The following FAU variants were observed in gnomAD, a reference collection of about 807,000 sequenced individuals.
The protein encoded by FAU is FAU ubiquitin like and ribosomal protein S30 fusion.
For synonymous variants in FAU, 70 were observed against 69.9 expected, an observed-to-expected ratio of 1.00 and a Z score of -0.01; for missense variants, 125 against 173.9, an observed-to-expected ratio of 0.72 and a Z score of 1.58.
At position 65,121,793 on chromosome 11, in the gene FAU, G is replaced by A; in HGVS notation, c.21C>T (p.Ala7=). The change falls in exon 2 of 5, where the codon GCC becomes GCT. Residue 7 remains alanine (A), a synonymous_variant. Coordinates refer to ENST00000529639, the MANE Select transcript of FAU (RefSeq NM_001997.5). The part of the protein sequence containing the change: MQLFVR[A]QELHTFEVTG... ...TCACCTCGAAGGTGTGTAGCTCCTG[G>A]GCGCGGACAAAGAGCTGCATATTGG... 1.9e-6 allele frequency: 3 copies of A among 1,614,098 alleles called. No homozygotes were observed. Among genetic ancestry groups the A allele is most frequent in the Non-Finnish European group, 2.5e-6 (3 of 1,180,044 alleles).
chr11:65,121,134 G>T, intron 3 of FAU, 98 bp from the exon 4 acceptor site: 2 of 1,227,794 alleles, frequency 1.6e-6, no homozygotes, highest in Non-Finnish European at 1.2e-6. Flanking sequence ...GAGAAGCTGC[G>T]CCCAATAGGT....
intron 1 of FAU, 67 bp downstream of exon 1, chr11:65,122,023 C>A: frequency 6.4e-6 from 4 of 620,172 alleles, no homozygotes; most frequent in Non-Finnish European, 1.1e-5. Context: ...CGGTTCCCCC[C>A]GCGCCTTCTG....
intron 1 of FAU, 124 bp from the exon 2 acceptor site, chr11:65,121,945 G>A (rs1948053105): frequency 2.2e-6 from 2 of 922,506 alleles, no homozygotes; most frequent in South Asian, 1.5e-5. Flanking sequence ...GCTCACGTGG[G>A]GAAGGCCAGG....
At chr11:65,121,917 G>A in intron 1 of FAU, 96 bp from the exon 2 acceptor site, 2 of 1,279,400 alleles carry the variant, frequency 1.6e-6, no homozygotes, top group Non-Finnish European at 2.2e-6. Flanking sequence ...CGATCGCGAC[G>A]GGATGGTGGT....
intron 4 of FAU, 50 bp from the exon 5 acceptor site, chr11:65,120,856 G>A (rs1349373798): frequency 6.2e-7 from 1 of 1,611,136 alleles, no homozygotes; most frequent in Admixed American, 1.7e-5. Flanking sequence ...TCCACACCTA[G>A]CATCCCTTCC....
chr11:65,121,078 G>C (rs1948042587), intron 3 of FAU, 42 bp from the exon 4 acceptor site: 1 of 1,604,954 alleles, frequency 6.2e-7, no homozygotes, highest in African/African-American at 1.3e-5. Flanking sequence ...AGAGCAAGAA[G>C]GTGCCACCCA....
rs1029283496 is a variant in FAU at position 65,122,119 on chromosome 11, T to C, written c.-38A>G. The C allele has an allele frequency of 1.7e-6, 1 of 599,018 alleles. No homozygotes were observed. The allele number at this position is 599,018 out of a possible 1,614,324, so 37.1% of individuals were successfully genotyped here. ...ACGGCGGTCCCAGCTACCGCGAAGATGGAGTCGAGAAAGAGGAAGAAGCGA... is the reference window on the plus strand; with the variant it reads ...ACGGCGGTCCCAGCTACCGCGAAGACGGAGTCGAGAAAGAGGAAGAAGCGA... On this transcript the variant is annotated 5_prime_UTR_variant, in exon 1 of 5. Coordinates refer to ENST00000529639, the MANE Select transcript of FAU (RefSeq NM_001997.5).
chr11:65,121,244 T>C (rs1438606685), intron 3 of FAU: 2 of 723,714 alleles, frequency 2.8e-6, no homozygotes, highest in Middle Eastern at 3.9e-4. Flanking sequence ...GGCCCTGGTC[T>C]GACCTAATTT....
rs566668553 is a variant in FAU, at chr11:65,121,685, G to C, written c.76-41C>G. On this transcript the variant is annotated intron_variant, in intron 2 of 4. Coordinates refer to ENST00000529639, the MANE Select transcript of FAU (RefSeq NM_001997.5). ...AGGCTCGTAAGCGTTCCCTCGGGCC[G>C]CGAGAGTGAAGAGCACAAGAAAATG... is the stretch of plus-strand genomic sequence containing the variant. 5.0e-6 allele frequency: 8 copies of C among 1,613,730 alleles called. No homozygotes were observed. The South Asian group carries it at 8.8e-5, about 18-fold the overall frequency.
intron 3 of FAU, 63 bp downstream of exon 3, chr11:65,121,437 C>G (rs1948046083): frequency 1.3e-6 from 2 of 1,571,360 alleles, no homozygotes; most frequent in Non-Finnish European, 1.7e-6. Context: ...GCTGTCAGGA[C>G]TATGCACCCC....
chr11:65,121,981 T>A (rs1202688500), intron 1 of FAU, 109 bp downstream of exon 1: 1 of 704,540 alleles, frequency 1.4e-6, no homozygotes, highest in Non-Finnish European at 2.4e-6. Flanking sequence ...GGATAGGGAC[T>A]GGAGCAGGGC....
At chr11:65,120,827 C>A (rs749113265) in intron 4 of FAU, 21 bp from the exon 5 acceptor site, 2 of 1,613,866 alleles carry the variant, frequency 1.2e-6, no homozygotes, top group South Asian at 1.1e-5. Flanking sequence ...GAAGGTTAAT[C>A]AGGCCCTGGT....
chr11:65,121,794 G>C lies in FAU; in HGVS notation c.20C>G (p.Ala7Gly), dbSNP rs555378806. MQLFVR[A>G]QELHTFEVTG... Reference sequence around the variant, plus strand: ...CACCTCGAAGGTGTGTAGCTCCTGGGCGCGGACAAAGAGCTGCATATTGGC... The same window carrying C: ...CACCTCGAAGGTGTGTAGCTCCTGGCCGCGGACAAAGAGCTGCATATTGGC... Residue 7 changes from alanine (A) to glycine (G), a missense_variant, in exon 2 of 5, where the codon GCC becomes GGC. Coordinates refer to ENST00000529639, the MANE Select transcript of FAU (RefSeq NM_001997.5). 98 of 1,614,078 alleles carry C rather than the reference G, an allele frequency of 6.1e-5. No individual in the cohort carries two copies. The South Asian group carries it at 8.0e-4, about 13-fold the overall frequency.
At chr11:65,121,168 T>C (rs1948043431) in intron 3 of FAU, 132 bp from the exon 4 acceptor site, 1 of 967,256 alleles carries the variant, frequency 1.0e-6, no homozygotes, top group Middle Eastern at 2.4e-4. Context: ...TTGCAGATAT[T>C]TGACCTTGAA....
chr11:65,120,819 A>C lies in FAU; in HGVS notation c.277-13T>G, dbSNP rs779709224. ...CCTGTTTGGCCACCTGGAGAAGGGA[A>C]GGTTAATCAGGCCCTGGTTCCTGTC... On this transcript the variant is annotated splice_polypyrimidine_tract_variant and intron_variant, in intron 4 of 4. Transcript: ENST00000529639. 23 of 1,613,824 alleles carry C rather than the reference A, an allele frequency of 1.4e-5. No homozygotes were observed. The highest frequency in any genetic ancestry group is 2.7e-5 in the African/African-American group (2 of 74,914).
chr11:65,121,444 C>T (rs770116193), intron 3 of FAU, 56 bp downstream of exon 3: 4 of 1,586,678 alleles, frequency 2.5e-6, no homozygotes, highest in Non-Finnish European at 3.4e-6. Context: ...GGACTATGCA[C>T]CCCACACTCA....
At chr11:65,121,176 G>A (rs1948043494) in intron 3 of FAU, 140 bp from the exon 4 acceptor site, 1 of 924,976 alleles carries the variant, frequency 1.1e-6, no homozygotes, top group Non-Finnish European at 1.7e-6. Context: ...ATTTGACCTT[G>A]AAATCTTAAG....
intron 3 of FAU, 134 bp downstream of exon 3, chr11:65,121,366 G>T (rs772243710): frequency 2.3e-5 from 28 of 1,229,638 alleles, no homozygotes; most frequent in Admixed American, 7.3e-5. Context: ...ATGTAAACAG[G>T]AAGAATCACT....
chr11:65,121,074 A>G, intron 3 of FAU, 38 bp from the exon 4 acceptor site: 1 of 1,607,724 alleles, frequency 6.2e-7, no homozygotes, highest in Non-Finnish European at 8.5e-7. Context: ...GGTAAGAGCA[A>G]GAAGGTGCCA....
Sources: gnomAD v4.1 joint callset for allele counts on GRCh38, gnomAD v4.1.1 for gene constraint, MANE v1.5 for transcripts, NCBI Gene and HGNC (gene_info 2026-07-23, HGNC 2026-07-21) for gene names.